Variants in SFXN3 observed in about 807,000 individuals in gnomAD.
SFXN3 encodes the protein sideroflexin-3.
In SFXN3, 31 loss-of-function variants were observed where a neutral mutation model predicts 40.4. The observed-to-expected ratio is 0.77, with a 90% CI of 0.58 to 1.04. The LOEUF (loss-of-function observed/expected upper bound fraction) is 1.04. Ranked by LOEUF, SFXN3 falls within the 50% of genes least tolerant of loss-of-function variation. The pLI is 0.00. For synonymous variants in SFXN3, 157 were observed against 160.0 expected (o/e 0.98, Z 0.14); for missense variants, 366 against 408.2 (o/e 0.90, Z 0.89).
At chr10:101,035,816 AC>A in intron 4 of SFXN3, 149 bp downstream of exon 4, 1 of 1,188,732 alleles carries the variant, frequency 8.4e-7, no homozygotes. Flanking sequence ...GAGGTCTCTC[AC>A]CCCAGAGACA....
At chr10:101,037,014 A>G in intron 7 of SFXN3, 62 bp from the exon 8 acceptor site, 1 of 1,601,244 alleles carries the variant, frequency 6.2e-7, no homozygotes, top group Non-Finnish European at 8.5e-7. Context: ...GCCGCTGCTC[A>G]TTCGGGCATT....
intron 8 of SFXN3, 22 bp downstream of exon 8, chr10:101,037,225 G>A (rs779654030): frequency 2.5e-6 from 4 of 1,613,508 alleles, no homozygotes; most frequent in Non-Finnish European, 2.5e-6. Context: ...GTGGCTGGGT[G>A]GGGCATAGGA....
At position 101,038,388 on chromosome 10, in the gene SFXN3, G is replaced by A; in HGVS notation, c.772-255G>A. On this transcript the variant is annotated intron_variant, in intron 9 of 11. Transcript: ENST00000393459. ...TGAGGGAAGAAAAAAAAGGGCCAGG[G>A]AGTGCCATGGCAACCAATTCTGAGA... is the stretch of plus-strand genomic sequence containing the variant. 5 of 1,399,746 alleles carry A rather than the reference G, an allele frequency of 3.6e-6. No homozygotes were observed. The South Asian group carries it at 8.1e-5, about 23-fold the overall frequency. The allele number at this position is 1,399,746 out of a possible 1,614,324, so 86.7% of individuals were successfully genotyped here. A position where few individuals can be genotyped will look rare whatever the true frequency, so the allele number is the denominator to read the frequency against.
rs528816384 is a variant in SFXN3 at position 101,039,341 on chromosome 10, C to T, written c.869+119C>T. The T allele has an allele frequency of 1.2e-4, 141 of 1,196,656 alleles. 3 individuals are homozygous for T. In the South Asian group the frequency reaches 1.7e-3, roughly 15 times the overall value. The allele number at this position is 1,196,656 out of a possible 1,614,324, so 74.1% of individuals were successfully genotyped here. Reference sequence around the variant, plus strand: ...AGGCCTGGCAGGCACTCCACTGATTCTGGGAGTGGGGGAATGACAGTGAGC... The same window carrying T: ...AGGCCTGGCAGGCACTCCACTGATTTTGGGAGTGGGGGAATGACAGTGAGC... On this transcript the variant is annotated intron_variant, in intron 11 of 11. Transcript: ENST00000393459. The surrounding 1 kb of genome is among the most constrained non-coding windows in gnomAD (Gnocchi z 4.6).
At position 101,036,344 on chromosome 10, in the gene SFXN3, G is replaced by T; in HGVS notation, c.432-142G>T. The T allele has an allele frequency of 1.2e-6, 1 of 846,656 alleles. No homozygotes were observed. Among genetic ancestry groups the T allele is most frequent in the South Asian group, 1.7e-5 (1 of 60,194 alleles). 52.4% of individuals were successfully genotyped at this position (846,656 alleles called of 1,614,324 possible). A position where few individuals can be genotyped will look rare whatever the true frequency, so the allele number is the denominator to read the frequency against. ...TACTGGGGCTTCTAGACAAGTTTAC[G>T]CCGGAGATGGAGGGAAGGCTTCTTC... On this transcript the variant is annotated intron_variant, in intron 5 of 11. Transcript: ENST00000393459. This position sits in a 1 kb window ranked among gnomAD's most constrained non-coding sequence, Gnocchi z 4.2.
chr10:101,039,114 C>G lies in SFXN3; in HGVS notation c.822-61C>G. 1.4e-6 allele frequency: 2 copies of G among 1,422,838 alleles called. No homozygotes were observed. The highest frequency in any genetic ancestry group is 9.9e-7 in the Non-Finnish European group (1 of 1,006,232). 88.1% of individuals were successfully genotyped at this position (1,422,838 alleles called of 1,614,324 possible). ...CTATCTCCAAGGATGGGGTGGGGTGCAGGGAGGGAACACCCTAAGGCCAAA... is the reference window on the plus strand; with the variant it reads ...CTATCTCCAAGGATGGGGTGGGGTGGAGGGAGGGAACACCCTAAGGCCAAA... On this transcript the variant is annotated intron_variant, in intron 10 of 11. Transcript: ENST00000393459. This position sits in a 1 kb window ranked among gnomAD's most constrained non-coding sequence, Gnocchi z 4.6.
In SFXN3 at chr10:101,039,253, C is replaced by G; in HGVS notation, c.869+31C>G. Reference sequence around the variant, plus strand: ...TGCTGTCCCTGGGCTGGGTGGGGGACTCTGGATTGGACTCTGCATCTCTGG... The same window carrying G: ...TGCTGTCCCTGGGCTGGGTGGGGGAGTCTGGATTGGACTCTGCATCTCTGG... On this transcript the variant is annotated intron_variant, in intron 11 of 11. Coordinates refer to ENST00000393459, the Ensembl canonical transcript of SFXN3. This position sits in a 1 kb window ranked among gnomAD's most constrained non-coding sequence, Gnocchi z 4.6. 1.3e-6 allele frequency: 2 copies of G among 1,584,656 alleles called. No homozygotes were observed. The highest frequency in any genetic ancestry group is 1.7e-6 in the Non-Finnish European group (2 of 1,161,852).
chr10:101,036,712 T>G lies in SFXN3; in HGVS notation c.508-11T>G. 1 of 1,606,150 alleles carries G rather than the reference T, an allele frequency of 6.2e-7. No homozygotes were observed. The highest frequency in any genetic ancestry group is 8.5e-7 in the Non-Finnish European group (1 of 1,174,006). ...CCCTTAGGGCCACTGAACAACACCC[T>G]TCCTCCCCAGCACCTGCCCCCCTTG... On this transcript the variant is annotated splice_polypyrimidine_tract_variant and intron_variant, in intron 6 of 11. Coordinates refer to ENST00000393459, the Ensembl canonical transcript of SFXN3. This position sits in a 1 kb window ranked among gnomAD's most constrained non-coding sequence, Gnocchi z 4.2.
chr10:101,035,663 T>C lies in SFXN3; in HGVS notation c.328T>C (p.Tyr110His), dbSNP rs771125596. 1.2e-5 allele frequency: 20 copies of C among 1,609,176 alleles called. No homozygotes were observed. In the Admixed American group the frequency reaches 3.3e-4, roughly 27 times the overall value. ...CATCACTGGCTGCATGCTCACATTC[T>C]ACAGGCAGGTCTTGTCCCACGTCCC... is the stretch of plus-strand genomic sequence containing the variant. Residue 110 changes from tyrosine (Y) to histidine (H), a missense_variant, in exon 4 of 12, where the codon TAC becomes CAC. By Grantham distance (83) the Tyr-to-His change is moderately conservative (BLOSUM62 2). Coordinates refer to ENST00000393459, the Ensembl canonical transcript of SFXN3.
intron 2 of SFXN3, among the ~76,000 whole-genome samples, chr10:101,032,942 G>A (rs1342336567): frequency 6.6e-6 from 1 of 152,218 alleles, no homozygotes; most frequent in Non-Finnish European, 1.5e-5. Context: ...ACTGAATCCT[G>A]CTCTTATCCG....
In SFXN3 at chr10:101,036,844, G is replaced by A; in HGVS notation, c.593+36G>A. The A allele has an allele frequency of 6.2e-7, 1 of 1,608,502 alleles. No individual in the cohort carries two copies. Among genetic ancestry groups the A allele is most frequent in the Non-Finnish European group, 8.5e-7 (1 of 1,175,778 alleles). On this transcript the variant is annotated intron_variant, in intron 7 of 11. Transcript: ENST00000393459. This position sits in a 1 kb window ranked among gnomAD's most constrained non-coding sequence, Gnocchi z 4.2. Reference sequence around the variant, plus strand: ...CCGGCTCCTGGCATGTGCATGCCCAGAATGTAGCACACTGTCCATCCACGC... The same window carrying A: ...CCGGCTCCTGGCATGTGCATGCCCAAAATGTAGCACACTGTCCATCCACGC...
intron 3 of SFXN3, 59 bp from the exon 4 acceptor site, chr10:101,035,438 C>A: frequency 6.5e-7 from 1 of 1,535,134 alleles, no homozygotes; most frequent in Non-Finnish European, 8.8e-7. Flanking sequence ...GCAGGTGGGG[C>A]CTGTGAGGGC....
At chr10:101,035,873 C>T in intron 4 of SFXN3, 130 bp from the exon 5 acceptor site, 1 of 1,125,832 alleles carries the variant, frequency 8.9e-7, no homozygotes, top group South Asian at 1.3e-5. Context: ...TAGGGGTTAC[C>T]AGAACAGGTT....
exon 2 of SFXN3, chr10:101,032,478 A>C (rs1221135530): frequency 1.3e-6 from 2 of 1,549,642 alleles, no homozygotes; most frequent in Non-Finnish European, 1.7e-6. Context: ...AGAGCGATGG[A>C]AAGCGTAAGT....
intron 3 of SFXN3, 51 bp from the exon 4 acceptor site, chr10:101,035,446 G>A: frequency 6.5e-7 from 1 of 1,549,252 alleles, no homozygotes; most frequent in Non-Finnish European, 8.7e-7. Context: ...GGCCTGTGAG[G>A]GCAGATCTGC....
chr10:101,038,857 G>A (rs1938753759), intron 10 of SFXN3, among the ~76,000 whole-genome samples, 165 bp downstream of exon 10: 1 of 152,074 alleles, frequency 6.6e-6, no homozygotes, highest in South Asian at 2.1e-4. Flanking sequence ...GTTACGGGGT[G>A]GTCCCTGTCC....
intron 4 of SFXN3, 45 bp downstream of exon 4, chr10:101,035,712 G>A: frequency 6.4e-7 from 1 of 1,566,070 alleles, no homozygotes; most frequent in Non-Finnish European, 8.7e-7. Flanking sequence ...CTAAGCTAGA[G>A]CATAGCTTGA....
At chr10:101,038,534 T>C in intron 9 of SFXN3, 109 bp from the exon 10 acceptor site, 1 of 1,598,542 alleles carries the variant, frequency 6.3e-7, no homozygotes, top group South Asian at 1.1e-5. Flanking sequence ...CGGCCACAGG[T>C]CTAAGGGCTC....
chr10:101,035,784 A>G (rs772068536), intron 4 of SFXN3, 117 bp downstream of exon 4: 56 of 1,383,234 alleles, frequency 4.0e-5, no homozygotes, highest in Non-Finnish European at 5.1e-5. Flanking sequence ...AATCGCTTCC[A>G]TTCCTCAGAA....
Sources: allele counts gnomAD v4.1 joint callset (sites outside exome capture counted in the v4.1 genomes callset), GRCh38; gene constraint gnomAD v4.1.1; non-coding constraint Gnocchi (gnomAD v3.1); transcripts MANE v1.5; gene names NCBI Gene and HGNC (gene_info 2026-07-23, HGNC 2026-07-21).